The following PCDHGA1 variants were observed in gnomAD, a reference collection of about 807,000 sequenced individuals.
PCDHGA1 encodes the protein protocadherin gamma-A1.
PCDHGA1 carries 32 observed loss-of-function variants against 58.0 expected under a neutral mutation model. The observed-to-expected ratio is 0.55, with a 90% CI of 0.42 to 0.74. The LOEUF (loss-of-function observed/expected upper bound fraction) is 0.74, where lower values mean the gene tolerates loss of function less well. PCDHGA1 is among the 30% of genes least tolerant of loss of function. The pLI, the probability that PCDHGA1 is intolerant of heterozygous loss-of-function variation, is 0.00. For missense variants in PCDHGA1, 1,205 were observed against 1,182.3 expected, an observed-to-expected ratio of 1.02 and a Z score of -0.28; for synonymous variants, 498 against 501.1, an observed-to-expected ratio of 0.99 and a Z score of 0.08.
rs746968245 is a variant in PCDHGA1, at chr5:141,489,575, A to AC, written c.2422-5227dup. 2 of 1,613,788 alleles carry AC rather than the reference A, an allele frequency of 1.2e-6. No homozygotes were observed. Among genetic ancestry groups the AC allele is most frequent in the Non-Finnish European group, 1.7e-6 (2 of 1,179,960 alleles). On this transcript the variant is annotated intron_variant, in intron 1 of 3. Coordinates refer to ENST00000517417, the MANE Select transcript of PCDHGA1 (RefSeq NM_018912.3). The surrounding 1 kb of genome is among the most constrained non-coding windows in gnomAD (Gnocchi z 4.5). ...CTGCCAGTGCAGGTGGTGACTGAACACCCCCTGGAGCTAATCCGTGTAGAG... is the reference window on the plus strand; with the variant it reads ...CTGCCAGTGCAGGTGGTGACTGAACACCCCCCTGGAGCTAATCCGTGTAGAG...
chr5:141,371,361 G>C, intron 1 of PCDHGA1: 1 of 1,613,976 alleles, frequency 6.2e-7, no homozygotes, highest in Non-Finnish European at 8.5e-7. Context: ...GGAAGCAAAG[G>C]ATGGTGGACA....
intron 1 of PCDHGA1, chr5:141,427,231 G>A (rs1561827383): frequency 2.2e-6 from 1 of 456,612 alleles, no homozygotes; most frequent in African/African-American, 2.0e-5. Flanking sequence ...TATACCATGA[G>A]AGTAGAAGCT....
chr5:141,445,093 A>G (rs987863232), intron 1 of PCDHGA1, among the ~76,000 whole-genome samples: 2 of 152,168 alleles, frequency 1.3e-5, no homozygotes, highest in Non-Finnish European at 2.9e-5. Flanking sequence ...TACATATTTG[A>G]TGTTTTCTAA....
In PCDHGA1 at chr5:141,485,569, T is replaced by C; in HGVS notation, c.2422-9238T>C. The C allele has an allele frequency of 6.2e-7, 1 of 1,612,664 alleles. No individual in the cohort carries two copies. Among genetic ancestry groups the C allele is most frequent in the Non-Finnish European group, 8.5e-7 (1 of 1,178,890 alleles). ...TAGATGTGAATGATCACGCCCCCCG[T>C]TTTCCGCGGCAGCAGCTGGACTTGG... On this transcript the variant is annotated intron_variant, in intron 1 of 3. Coordinates refer to ENST00000517417, the MANE Select transcript of PCDHGA1 (RefSeq NM_018912.3). This position sits in a 1 kb window ranked among gnomAD's most constrained non-coding sequence, Gnocchi z 5.7.
intron 1 of PCDHGA1, chr5:141,426,692 C>T: frequency 2.3e-6 from 1 of 435,472 alleles, no homozygotes; most frequent in Non-Finnish European, 4.7e-6. Flanking sequence ...CCCAAAATAG[C>T]ATTGTTTTAC....
chr5:141,399,755 G>C (rs1420211451), intron 1 of PCDHGA1: 1 of 1,613,232 alleles, frequency 6.2e-7, no homozygotes, highest in Non-Finnish European at 8.5e-7. Context: ...GCAAACGTGA[G>C]CCTGCGCGTG....
At chr5:141,402,859 G>A (rs1314987043) in intron 1 of PCDHGA1, 8 of 1,428,738 alleles carry the variant, frequency 5.6e-6, no homozygotes, top group Non-Finnish European at 7.4e-6. Flanking sequence ...TTCTTCTAAG[G>A]AAAAGATCAC....
chr5:141,419,923 G>A, intron 1 of PCDHGA1: 4 of 1,614,088 alleles, frequency 2.5e-6, no homozygotes, highest in Non-Finnish European at 3.4e-6. Flanking sequence ...AGGCTGAGAT[G>A]CAGTTTTACC....
At chr5:141,376,106 C>G (rs747782630) in intron 1 of PCDHGA1, 2 of 1,613,796 alleles carry the variant, frequency 1.2e-6, no homozygotes, top group East Asian at 4.5e-5. Flanking sequence ...CCTGGCCGAC[C>G]TGGGCAGCCT....
At chr5:141,409,821 C>T in intron 1 of PCDHGA1, 1 of 1,610,940 alleles carries the variant, frequency 6.2e-7, no homozygotes, top group Non-Finnish European at 8.5e-7. Flanking sequence ...CACGGCTCGC[C>T]CACGCTCAGC....
intron 1 of PCDHGA1, chr5:141,417,757 G>A: frequency 7.0e-7 from 1 of 1,435,144 alleles, no homozygotes; most frequent in Non-Finnish European, 9.2e-7. Flanking sequence ...CCAGCTCCGA[G>A]ACCCGGGACT....
At chr5:141,344,585 C>G (rs1757440405) in intron 1 of PCDHGA1, 8 of 1,613,976 alleles carry the variant, frequency 5.0e-6, no homozygotes, top group Non-Finnish European at 5.1e-6. Flanking sequence ...CTGTGAATAG[C>G]GTCTCTGAGG....
intron 1 of PCDHGA1, chr5:141,344,753 A>G (rs1324624459): frequency 6.2e-7 from 1 of 1,613,906 alleles, no homozygotes; most frequent in Non-Finnish European, 8.5e-7. Context: ...ACAACCCACC[A>G]ATGTTTACTC....
chr5:141,444,561 GA>G (rs778707459), intron 1 of PCDHGA1, among the ~76,000 whole-genome samples: 17 of 152,098 alleles, frequency 1.1e-4, no homozygotes, highest in Non-Finnish European at 2.1e-4. Context: ...GCACTTATTT[GA>G]CACTTTTGAC....
At chr5:141,382,897 A>G in intron 1 of PCDHGA1, 1 of 1,540,826 alleles carries the variant, frequency 6.5e-7, no homozygotes, top group East Asian at 2.3e-5. Flanking sequence ...AAGCAGGACG[A>G]CTATGGCGGC....
At position 141,399,887 on chromosome 5, in the gene PCDHGA1, T is replaced by C. The variant is rs1189359878; in HGVS notation, c.2421+66782T>C. ...GAGCCCGGCTACCTGGTGACCAAGG[T>C]AGTGGCCGTGGACGCAGACTCAGGA... On this transcript the variant is annotated intron_variant, in intron 1 of 3. Coordinates refer to ENST00000517417, the MANE Select transcript of PCDHGA1 (RefSeq NM_018912.3). 3 of 1,612,524 alleles carry C rather than the reference T, an allele frequency of 1.9e-6. No homozygotes were observed. The African/African-American group carries it at 4.0e-5, about 22-fold the overall frequency.
chr5:141,401,655 A>G (rs1011518295), intron 1 of PCDHGA1, among the ~76,000 whole-genome samples: 2 of 152,232 alleles, frequency 1.3e-5, no homozygotes, highest in South Asian at 2.1e-4. Context: ...AAATGACTGG[A>G]TGTTTTCTCA....
At chr5:141,399,255 G>A (rs767281843) in intron 1 of PCDHGA1, 6 of 1,613,892 alleles carry the variant, frequency 3.7e-6, no homozygotes, top group Non-Finnish European at 5.1e-6. Context: ...GGGAAAATGG[G>A]GAGGTTAATT....
intron 1 of PCDHGA1, among the ~76,000 whole-genome samples, chr5:141,474,136 G>A (rs1383142266): frequency 1.3e-5 from 2 of 152,056 alleles, no homozygotes; most frequent in East Asian, 3.8e-4. Context: ...AAAACTACAG[G>A]CCTTATTATC....
Sources: gnomAD v4.1 joint callset for allele counts (sites outside exome capture counted in the v4.1 genomes callset) on GRCh38, gnomAD v4.1.1 for gene constraint, Gnocchi (gnomAD v3.1) non-coding constraint, MANE v1.5 for transcripts, NCBI Gene and HGNC (gene_info 2026-07-23, HGNC 2026-07-21) for gene names.